Variants in BCORL1 observed in about 807,000 individuals in gnomAD.
BCORL1 encodes the protein BCL-6 corepressor-like protein 1.
Under a neutral mutation model 87.6 loss-of-function variants are expected in BCORL1, and 7 were observed. The observed-to-expected ratio is 0.08, with a 90% confidence interval of 0.05 to 0.15. The LOEUF (loss-of-function observed/expected upper bound fraction) is 0.15, where lower values mean the gene tolerates loss of function less well. Ranked by LOEUF, BCORL1 falls within the 10% of genes least tolerant of loss-of-function variation. BCORL1 has a pLI of 1.00. For synonymous variants in BCORL1, 591 were observed against 634.4 expected (o/e 0.93, Z 1.03); for missense variants, 1,215 against 1,499.7 (o/e 0.81, Z 3.13).
intron 11 of BCORL1, among the ~76,000 whole-genome samples, chrX:130,043,759 TATATATATATATATATATATATATA>T (rs1269899048): frequency 0.014 from 204 of 14,227 alleles, 10 homozygotes; most frequent in Non-Finnish European, 0.017. Context: ...TATATATATA[TATATATATATATATATATATATATA>T]TTTTTTTTTT....
chrX:130,014,901 T>C lies in BCORL1; in HGVS notation c.2129T>C (p.Ile710Thr). ...TGGGTGAAGAACTCAACTGCACTGATCAGCACCATTCCTGGCACCTACGTG... is the reference window on the plus strand; with the variant it reads ...TGGGTGAAGAACTCAACTGCACTGACCAGCACCATTCCTGGCACCTACGTG... ...STWVKNSTAL[I>T]STIPGTYVGV... Residue 710 changes from isoleucine (I) to threonine (T), a missense_variant, in exon 4 of 14, where the codon ATC (isoleucine) becomes ACC (threonine). Around this residue, in one of 5 missense-constraint regions of BCORL1, gnomAD observed 861 missense variants for 1,010.0 expected, o/e 0.85. Coordinates refer to ENST00000540052, the MANE Select transcript of BCORL1 (RefSeq NM_001379451.1). 3 of 1,211,444 alleles carry C rather than the reference T, an allele frequency of 2.5e-6. No individual in the cohort carries two copies. Among genetic ancestry groups the C allele is most frequent in the Non-Finnish European group, 3.4e-6 (3 of 895,427 alleles).
intron 11 of BCORL1, among the ~76,000 whole-genome samples, chrX:130,042,960 G>A (rs948918196): frequency 9.8e-5 from 9 of 92,213 alleles, no homozygotes; most frequent in Non-Finnish European, 1.3e-4. Flanking sequence ...GCGACAGAGC[G>A]AGACTCCGTC....
In BCORL1 at chrX:130,014,287, A is replaced by G. The variant is rs1262503248; in HGVS notation, c.1515A>G (p.Ala505=). ...CCGAGCTCCGTTCTTACCCGTATGC[A>G]TTTTCTGTGGCCCGGCCTCTGACTT... ...ASPELRSYPY[A]FSVARPLTSD... The change falls in exon 4 of 14, where the codon GCA becomes GCG. Residue 505 remains alanine, a synonymous_variant. Transcript: ENST00000540052. The G allele has an allele frequency of 8.3e-7, 1 of 1,208,098 alleles. No homozygotes were observed. The highest frequency in any genetic ancestry group is 1.1e-6 in the Non-Finnish European group (1 of 894,744).
chrX:130,033,321 G>C (rs1930742915), intron 8 of BCORL1, among the ~76,000 whole-genome samples: 2 of 111,297 alleles, frequency 1.8e-5, no homozygotes, highest in African/African-American at 6.5e-5. Flanking sequence ...GTCCTCAACT[G>C]ATCTGCCTGC....
chrX:130,036,736 C>T (rs1322265821), intron 9 of BCORL1, among the ~76,000 whole-genome samples: 2 of 112,602 alleles, frequency 1.8e-5, no homozygotes, highest in East Asian at 5.6e-4. Flanking sequence ...CTGGGGCTGG[C>T]TTGCCAAGCT....
At chrX:130,036,949 C>G (rs777332827) in intron 9 of BCORL1, among the ~76,000 whole-genome samples, 1 of 112,358 alleles carries the variant, frequency 8.9e-6, no homozygotes, top group Admixed American at 9.4e-5. Context: ...AGCTGGAGAC[C>G]AGCCTGGCCA....
At chrX:130,033,722 C>A (rs1930762367) in intron 8 of BCORL1, among the ~76,000 whole-genome samples, 1 of 112,057 alleles carries the variant, frequency 8.9e-6, no homozygotes, top group Admixed American at 9.4e-5. Flanking sequence ...GTGGCTCATG[C>A]CTGTAATCCC....
chrX:129,989,444 CTTTT>C (rs55654985), intron 1 of BCORL1, among the ~76,000 whole-genome samples: 2 of 17,757 alleles, frequency 1.1e-4, no homozygotes, highest in Non-Finnish European at 1.9e-4. Flanking sequence ...CCGCACCCGT[CTTTT>C]TTTTTTTTTT....
At position 130,013,022 on chromosome X, in the gene BCORL1, C is replaced by T; in HGVS notation, c.250C>T (p.Leu84Phe). 8.3e-7 allele frequency: 1 copy of T among 1,209,033 alleles called. No individual in the cohort carries two copies. The change falls in exon 4 of 14, where the codon CTT (leucine) becomes TTT (phenylalanine). Residue 84 changes from leucine to phenylalanine, a missense_variant. Leu to Phe is a conservative substitution (Grantham distance 22). This residue lies in a region of BCORL1 where 861 missense variants were observed against 1,010.0 expected (regional missense o/e 0.85). Coordinates refer to ENST00000540052, the MANE Select transcript of BCORL1 (RefSeq NM_001379451.1). ...ADPDGSATEK[L>F]GHKSEDKPDD... The stretch of plus-strand genomic sequence containing the variant: ...CCCAGATGGCAGTGCTACAGAAAAA[C>T]TTGGGCACAAGTCAGAAGACAAGCC...
intron 11 of BCORL1, among the ~76,000 whole-genome samples, chrX:130,043,764 ATATATATATATATATATATATT>A (rs1569388417): frequency 1.3e-4 from 2 of 15,551 alleles, no homozygotes; most frequent in African/African-American, 5.1e-4. Flanking sequence ...ATATATATAT[ATATATATATATATATATATATT>A]TTTTTTTTTT....
Position 129,983,146 on chromosome X carries a change from C to T in BCORL1, c.-45+384C>T, listed in dbSNP as rs200762196. 2.0e-4 allele frequency among the ~76,000 whole-genome samples: 22 copies of T among 110,280 alleles called. No homozygotes were observed. In the East Asian group the frequency reaches 5.8e-3, roughly 29 times the overall value. On this transcript the variant is annotated intron_variant, in intron 1 of 13. Coordinates refer to ENST00000540052, the MANE Select transcript of BCORL1 (RefSeq NM_001379451.1). ...CCACTTCCCACCTTCGTACCCCATC[C>T]CCTGACTTGCCCTACCCCCTTCTCG...
intron 10 of BCORL1, 44 bp downstream of exon 10, chrX:130,037,577 C>T (rs1205860791): frequency 8.6e-7 from 1 of 1,158,410 alleles, no homozygotes; most frequent in Non-Finnish European, 1.2e-6. Flanking sequence ...TCACTCCCAG[C>T]TCAGCCTCTC....
intron 11 of BCORL1, among the ~76,000 whole-genome samples, chrX:130,044,062 C>T (rs932396297): frequency 9.4e-6 from 1 of 106,015 alleles, no homozygotes; most frequent in African/African-American, 3.5e-5. Flanking sequence ...TGAGCCACCA[C>T]GCCTGGACAT....
At chrX:130,035,309 C>T (rs1302217966) in intron 9 of BCORL1, among the ~76,000 whole-genome samples, 1 of 112,215 alleles carries the variant, frequency 8.9e-6, no homozygotes, top group Non-Finnish European at 1.9e-5. Context: ...TCAACTACTA[C>T]GCATATGAGT....
Position 130,028,876 on chromosome X carries a change from A to G in BCORL1, c.4305+15A>G. On this transcript the variant is annotated intron_variant, in intron 8 of 13. Transcript: ENST00000540052. ...AAGAGGCAAAGGTGTGTAGCTATCA[A>G]GGGGTATTGTAGAAGGTGTGTGTGG... The G allele has an allele frequency of 1.1e-6, 1 of 930,129 alleles. No individual in the cohort carries two copies. The highest frequency in any genetic ancestry group is 1.4e-6 in the Non-Finnish European group (1 of 711,298). The allele number at this position is 930,129 out of a possible 1,213,427, so 76.7% of individuals were successfully genotyped here. A position where few individuals can be genotyped will look rare whatever the true frequency, so the allele number is the denominator to read the frequency against.
In BCORL1 at chrX:130,032,738, TATTTA is replaced by T. The variant is rs1930693644; in HGVS notation, c.4306-1716_4306-1712del. ...CTCCAGGTCGAGAATCTCTTCTATT[TATTTA>T]TTTATTTATTTATTTATTTATTTAT... On this transcript the variant is annotated intron_variant, in intron 8 of 13. Coordinates refer to ENST00000540052, the MANE Select transcript of BCORL1 (RefSeq NM_001379451.1). 2.4e-4 allele frequency among the ~76,000 whole-genome samples: 12 copies of T among 50,973 alleles called. 1 individual carries two copies. The highest frequency in any genetic ancestry group is 1.2e-3 in the African/African-American group (12 of 10,287). The allele number at this position is 50,973 out of a possible 115,157, so 44.3% of individuals were successfully genotyped here. A position where few individuals can be genotyped will look rare whatever the true frequency, so the allele number is the denominator to read the frequency against.
rs764103708 is a variant in BCORL1 at position 130,014,106 on chromosome X, C to T, written c.1334C>T (p.Pro445Leu). The stretch of plus-strand genomic sequence containing the variant: ...TTTCAGCCAGGGACAGTGCTGACCC[C>T]GAGCCAGCCGCTGGTATATATCCCG... Reference protein sequence around the residue: ...LSFQPGTVLTPSQPLVYIPPP... With the variant: ...LSFQPGTVLTLSQPLVYIPPP... Residue 445 changes from proline to leucine, a missense_variant, in exon 4 of 14, where the codon CCG becomes CTG. This residue lies in a region of BCORL1 where 861 missense variants were observed against 1,010.0 expected (regional missense o/e 0.85). Transcript: ENST00000540052. 3 of 1,208,157 alleles carry T rather than the reference C, an allele frequency of 2.5e-6. No individual in the cohort carries two copies. The highest frequency in any genetic ancestry group is 1.8e-5 in the African/African-American group (1 of 56,813).
At chrX:130,034,272 G>A (rs1423417235) in intron 8 of BCORL1, among the ~76,000 whole-genome samples, 183 bp from the exon 9 acceptor site, 1 of 111,980 alleles carries the variant, frequency 8.9e-6, no homozygotes, top group African/African-American at 3.2e-5. Flanking sequence ...CATGGTTAGC[G>A]CCTGGCCCAG....
At chrX:130,022,814 G>A in intron 5 of BCORL1, 83 bp from the exon 6 acceptor site, 2 of 832,134 alleles carry the variant, frequency 2.4e-6, no homozygotes, top group Admixed American at 2.3e-5. Context: ...TCTTTCCCCC[G>A]AGCCTCACAG....
Sources: gnomAD v4.1 joint callset for allele counts (sites outside exome capture counted in the v4.1 genomes callset) on GRCh38, gnomAD v4.1.1 for gene constraint, gnomAD v4.1.1 regional missense constraint, MANE v1.5 for transcripts, NCBI Gene and HGNC (gene_info 2026-07-23, HGNC 2026-07-21) for gene names.